The following HEMK2 variants were observed in gnomAD, a reference collection of about 807,000 sequenced individuals.
HEMK2 encodes the protein methyltransferase HEMK2.
chr21:28,783,953 G>T, the HEMK2 span, among the ~76,000 whole-genome samples: 2 of 152,118 alleles, frequency 1.3e-5, no homozygotes, highest in East Asian at 3.9e-4. Flanking sequence ...GCCTGCCGGC[G>T]CTGAGCTCTA....
chr21:28,601,632 C>T, the HEMK2 span, among the ~76,000 whole-genome samples: 1 of 151,188 alleles, frequency 6.6e-6, no homozygotes, highest in African/African-American at 2.5e-5. Flanking sequence ...CTCTCTCTCT[C>T]TCTCTCTCTC....
chr21:28,738,397 G>A, the HEMK2 span, among the ~76,000 whole-genome samples: 1 of 152,192 alleles, frequency 6.6e-6, no homozygotes, highest in African/African-American at 2.4e-5. Context: ...GGGCTGTGAT[G>A]TTGCCAATGT....
the HEMK2 span, among the ~76,000 whole-genome samples, chr21:28,590,942 C>T: frequency 6.6e-6 from 1 of 152,168 alleles, no homozygotes; most frequent in Non-Finnish European, 1.5e-5. Flanking sequence ...AATTTCTTAC[C>T]GGTCTATTAT....
At chr21:28,670,270 G>T in the HEMK2 span, among the ~76,000 whole-genome samples, 64 of 152,116 alleles carry the variant, frequency 4.2e-4, no homozygotes, top group African/African-American at 1.4e-3. Context: ...CAGTCTAAAT[G>T]GGCAAAGGAA....
chr21:28,617,756 C>G, the HEMK2 span, among the ~76,000 whole-genome samples: 1 of 150,692 alleles, frequency 6.6e-6, no homozygotes, highest in Admixed American at 6.6e-5. Context: ...CTTGATTCAT[C>G]TCTAATATTA....
At chr21:28,604,262 G>C in the HEMK2 span, among the ~76,000 whole-genome samples, 3 of 152,168 alleles carry the variant, frequency 2.0e-5, no homozygotes, top group Admixed American at 6.5e-5. Context: ...GGGCCTCTCA[G>C]GGAGTGAGGG....
the HEMK2 span, among the ~76,000 whole-genome samples, chr21:28,824,664 G>A: frequency 2.2e-4 from 33 of 152,150 alleles, no homozygotes; most frequent in African/African-American, 7.0e-4. Flanking sequence ...GAGAGAGAGA[G>A]ATAGAGAGTC....
the HEMK2 span, among the ~76,000 whole-genome samples, chr21:28,656,285 C>A: frequency 6.6e-6 from 1 of 151,972 alleles, no homozygotes; most frequent in African/African-American, 2.4e-5. Flanking sequence ...CTATAGAAAA[C>A]ACGGTCTGGG....
the HEMK2 span, among the ~76,000 whole-genome samples, chr21:28,629,524 G>A: frequency 1.3e-5 from 2 of 152,210 alleles, no homozygotes; most frequent in African/African-American, 4.8e-5. Flanking sequence ...CATTGGGTAT[G>A]TATCTGACAG....
the HEMK2 span, among the ~76,000 whole-genome samples, chr21:28,575,795 G>A: frequency 5.6e-4 from 86 of 152,280 alleles, no homozygotes; most frequent in South Asian, 0.018. Flanking sequence ...CTGCCTCAAA[G>A]GTGGTTGCCT....
the HEMK2 span, among the ~76,000 whole-genome samples, chr21:28,588,191 GAAGT>G: frequency 6.6e-6 from 1 of 152,128 alleles, no homozygotes; most frequent in Admixed American, 6.5e-5. Flanking sequence ...CCACATTCTT[GAAGT>G]AATATTTAGG....
chr21:28,866,656 C>A, the HEMK2 span, among the ~76,000 whole-genome samples: 1 of 151,680 alleles, frequency 6.6e-6, no homozygotes, highest in African/African-American at 2.4e-5. Flanking sequence ...TTGCTTGAAA[C>A]CCGGAGGCAG....
At chr21:28,700,564 C>T in the HEMK2 span, among the ~76,000 whole-genome samples, 1 of 152,104 alleles carries the variant, frequency 6.6e-6, no homozygotes, top group Non-Finnish European at 1.5e-5. Flanking sequence ...TGGATAAATT[C>T]CTGGAAATGC....
At chr21:28,666,206 T>C in the HEMK2 span, among the ~76,000 whole-genome samples, 616 of 152,318 alleles carry the variant, frequency 4.0e-3, 4 homozygotes, top group African/African-American at 0.014. Context: ...AGGAAGCAGA[T>C]TGGAAGGAAG....
the HEMK2 span, among the ~76,000 whole-genome samples, chr21:28,825,595 T>G: frequency 1.3e-5 from 2 of 152,192 alleles, no homozygotes; most frequent in East Asian, 1.9e-4. Context: ...TAAAGAAGTA[T>G]GACCAAGATC....
the HEMK2 span, among the ~76,000 whole-genome samples, chr21:28,665,589 G>A: frequency 7.3e-5 from 11 of 151,498 alleles, no homozygotes; most frequent in Non-Finnish European, 1.3e-4. Context: ...GGCAACAACA[G>A]GTGCTGGAGA....
the HEMK2 span, among the ~76,000 whole-genome samples, chr21:28,769,331 T>A: frequency 5.9e-5 from 9 of 152,080 alleles, no homozygotes; most frequent in Non-Finnish European, 1.0e-4. Flanking sequence ...ACTTATACGG[T>A]TTGGAATTTA....
chr21:28,885,236 T>C, the HEMK2 span: 1 of 1,589,344 alleles, frequency 6.3e-7, no homozygotes. Flanking sequence ...AGCCGCTGCC[T>C]CCAGCGCGTC....
chr21:28,817,800 A>G, the HEMK2 span, among the ~76,000 whole-genome samples: 3 of 152,168 alleles, frequency 2.0e-5, no homozygotes, highest in African/African-American at 7.2e-5. Context: ...AATCAAAAAC[A>G]CAGATGGGGC....
Sources: gnomAD v4.1 joint callset for allele counts (sites outside exome capture counted in the v4.1 genomes callset) on GRCh38, gnomAD v4.1.1 for gene constraint, MANE v1.5 for transcripts, NCBI Gene and HGNC (gene_info 2026-07-23, HGNC 2026-07-21) for gene names.